The following SLC9C1 variants were observed in gnomAD, a reference collection of about 807,000 sequenced individuals.
SLC9C1 encodes sodium/hydrogen exchanger 10.
A neutral mutation model predicts 140.9 loss-of-function variants in SLC9C1; 97 were observed. The ratio of observed to expected loss-of-function variants is 0.69; its 90% CI spans 0.58 to 0.82. The LOEUF is 0.82. Ranked by LOEUF, SLC9C1 falls within the 40% of genes least tolerant of loss-of-function variation. The probability of loss-of-function intolerance (pLI) is 0.00; values close to 1 mark genes in which losing one functional copy is unlikely to be tolerated. For missense variants in SLC9C1, 1,340 were observed against 1,389.3 expected (o/e 0.96, Z 0.56); for synonymous variants, 440 against 442.6 (o/e 0.99, Z 0.07).
At chr3:112,176,001 G>A (rs552549320) in intron 23 of SLC9C1, among the ~76,000 whole-genome samples, 1 of 152,226 alleles carries the variant, frequency 6.6e-6, no homozygotes, top group African/African-American at 2.4e-5. Flanking sequence ...TTAGGAGTAG[G>A]TATAGGGATC....
At position 112,250,412 on chromosome 3, in the gene SLC9C1, CTT is replaced by C. The variant is rs2079420064; in HGVS notation, c.1198-6338_1198-6337del. Among the ~76,000 whole-genome samples, 3 of 142,872 alleles carry C rather than the reference CTT, an allele frequency of 2.1e-5. No homozygotes were observed. The Admixed American group carries it at 2.2e-4, about 10-fold the overall frequency. 93.7% of individuals were successfully genotyped at this position (142,872 alleles called of 152,430 possible). On this transcript the variant is annotated intron_variant, in intron 10 of 28. Transcript: ENST00000305815. The stretch of plus-strand genomic sequence containing the variant: ...CTTTATAGCAGCATGTTTTATAATC[CTT>C]TGGGTATATACCTAGTAATGGGATG...
chr3:112,259,900 A>G lies in SLC9C1; in HGVS notation c.1197+3024T>C, dbSNP rs190311819. On this transcript the variant is annotated intron_variant, in intron 10 of 28. Transcript: ENST00000305815. ...TACAGATGTTCTCTATCAACATTAG[A>G]AAATTCCCTTCTATTCTTATGTTTT... Among the ~76,000 whole-genome samples the G allele has an allele frequency of 9.9e-4, 151 of 152,316 alleles. 3 individuals carry two copies. The East Asian group carries it at 0.012, about 12-fold the overall frequency.
At position 112,247,872 on chromosome 3, in the gene SLC9C1, A is replaced by AGTGTGTGT. The variant is rs56782439; in HGVS notation, c.1198-3804_1198-3797dup. ...TAAAGTGGTACTCAGTTTACTCTTG[A>AGTGTGTGT]GTGTGTGTGTGTGTGTGTGTGTGTG... On this transcript the variant is annotated intron_variant, in intron 10 of 28. Transcript: ENST00000305815. 6.5e-4 allele frequency among the ~76,000 whole-genome samples: 98 copies of AGTGTGTGT among 149,938 alleles called. 1 individual carries two copies. The highest frequency in any genetic ancestry group is 3.7e-4 in the Non-Finnish European group (25 of 67,298).
rs763001898 is a variant in SLC9C1, at chr3:112,204,221, G to C, written c.2169C>G (p.Phe723Leu). The change falls in exon 17 of 29, where the codon TTC (phenylalanine) becomes TTG (leucine). Residue 723 changes from phenylalanine to leucine, a missense_variant. Coordinates refer to ENST00000305815, the MANE Select transcript of SLC9C1 (RefSeq NM_183061.3). ...VVQFFRILRI[F>L]KLIAPKLLQI... ...GCACGATTTACTGGTTCTTTACCTT[G>C]AAAATGCGTAGTATACGAAAAAATT... The C allele has an allele frequency of 6.7e-7, 1 of 1,481,698 alleles. No homozygotes were observed. The highest frequency in any genetic ancestry group is 1.4e-5 in the South Asian group (1 of 69,302). The allele number at this position is 1,481,698 out of a possible 1,614,324, so 91.8% of individuals were successfully genotyped here.
intron 28 of SLC9C1, among the ~76,000 whole-genome samples, chr3:112,147,193 T>G (rs971941405): frequency 2.6e-5 from 4 of 152,236 alleles, no homozygotes; most frequent in Non-Finnish European, 2.9e-5. Context: ...GGTGTCATTA[T>G]GTGTGAGATG....
Position 112,195,164 on chromosome 3 carries a change from A to G in SLC9C1, c.2523+4157T>C, listed in dbSNP as rs141077049. ...CTTTGTCTATATTTTATTTTGCTGC[A>G]CGTGCCTTAAGCATCATTTCCAAGT... is the stretch of plus-strand genomic sequence containing the variant. On this transcript the variant is annotated intron_variant, in intron 20 of 28. Transcript: ENST00000305815. 2.9e-3 allele frequency among the ~76,000 whole-genome samples: 434 copies of G among 152,220 alleles called. 4 individuals are homozygous for G. The highest frequency in any genetic ancestry group is 9.8e-3 in the African/African-American group (406 of 41,546).
chr3:112,269,897 G>T lies in SLC9C1; in HGVS notation c.775+19C>A. On this transcript the variant is annotated intron_variant, in intron 7 of 28. Transcript: ENST00000305815. ...AGTTTTCTATGTGATTTTATTTTAGGCATAGGCCCCTCACTTACAAATATA... is the reference window on the plus strand; with the variant it reads ...AGTTTTCTATGTGATTTTATTTTAGTCATAGGCCCCTCACTTACAAATATA... 2 of 1,463,060 alleles carry T rather than the reference G, an allele frequency of 1.4e-6. No homozygotes were observed. Among genetic ancestry groups the T allele is most frequent in the Non-Finnish European group, 1.8e-6 (2 of 1,107,538 alleles). The allele number at this position is 1,463,060 out of a possible 1,614,324, so 90.6% of individuals were successfully genotyped here. A position where few individuals can be genotyped will look rare whatever the true frequency, so the allele number is the denominator to read the frequency against.
intron 28 of SLC9C1, 117 bp from the exon 29 acceptor site, chr3:112,141,398 T>A (rs776158644): frequency 7.0e-6 from 7 of 999,004 alleles, no homozygotes; most frequent in Admixed American, 3.1e-5. Flanking sequence ...TAAGACACAC[T>A]TGGTCATTTT....
chr3:112,261,777 C>T (rs2079779609), intron 10 of SLC9C1, among the ~76,000 whole-genome samples: 1 of 152,034 alleles, frequency 6.6e-6, no homozygotes, highest in Non-Finnish European at 1.5e-5. Flanking sequence ...TTGCTATATG[C>T]TAAACAATGT....
Position 112,208,155 on chromosome 3 carries a change from TACAC to T in SLC9C1, c.1986+19_1986+22del. 6.4e-7 allele frequency: 1 copy of T among 1,552,380 alleles called. No homozygotes were observed. The highest frequency in any genetic ancestry group is 8.7e-7 in the Non-Finnish European group (1 of 1,146,484). ...CCCTGTCAGACATATAACACTTCCATACACACATAAATTTTAGATTACCTTAAGT... is the reference window on the plus strand; with the variant it reads ...CCCTGTCAGACATATAACACTTCCATACATAAATTTTAGATTACCTTAAGT... On this transcript the variant is annotated intron_variant, in intron 16 of 28. Coordinates refer to ENST00000305815, the MANE Select transcript of SLC9C1 (RefSeq NM_183061.3).
chr3:112,225,634 T>C (rs2108144750), intron 13 of SLC9C1, among the ~76,000 whole-genome samples: 1 of 152,142 alleles, frequency 6.6e-6, no homozygotes, highest in African/African-American at 2.4e-5. Context: ...CTGAATTGAT[T>C]AAAATATAAG....
intron 13 of SLC9C1, among the ~76,000 whole-genome samples, chr3:112,227,638 G>T (rs2078717309): frequency 6.6e-6 from 1 of 152,012 alleles, no homozygotes; most frequent in Admixed American, 6.6e-5. Flanking sequence ...TACGGAATGA[G>T]GACAAGTTAA....
chr3:112,203,335 A>G (rs1263336252), intron 17 of SLC9C1, among the ~76,000 whole-genome samples: 2 of 152,016 alleles, frequency 1.3e-5, no homozygotes, highest in Non-Finnish European at 2.9e-5. Flanking sequence ...ATCAGAATTA[A>G]TTCATCAGTG....
At chr3:112,215,177 CTTAATAAA>C (rs60256159) in intron 15 of SLC9C1, among the ~76,000 whole-genome samples, 111,875 of 149,770 alleles carry the variant, frequency 0.75, 41,973 homozygotes, top group East Asian at 0.98. Context: ...GCTAAAAACT[CTTAATAAA>C]TTAGGTATTG....
Position 112,217,476 on chromosome 3 carries a change from A to G in SLC9C1, c.1756T>C (p.Tyr586His). Residue 586 changes from tyrosine to histidine, a missense_variant, in exon 15 of 29, where the codon TAT becomes CAT. Transcript: ENST00000305815. ...CCCTCTTTTTCCTTTCTGGTATTAT[A>G]CACCCAATTAAGTAGTAGTTTTCTA... is the stretch of plus-strand genomic sequence containing the variant. ...FARKLLLNWV[Y>H]NTRKEKEGPS... 1 of 1,607,444 alleles carries G rather than the reference A, an allele frequency of 6.2e-7. No individual in the cohort carries two copies. The highest frequency in any genetic ancestry group is 8.5e-7 in the Non-Finnish European group (1 of 1,178,110).
chr3:112,215,901 A>T (rs1296906950), intron 15 of SLC9C1, among the ~76,000 whole-genome samples: 3 of 152,236 alleles, frequency 2.0e-5, no homozygotes, highest in Non-Finnish European at 2.9e-5. Flanking sequence ...TTGCTAAGTC[A>T]ATCATAAGCC....
intron 27 of SLC9C1, among the ~76,000 whole-genome samples, chr3:112,153,510 G>T (rs1427877520): frequency 6.6e-6 from 1 of 152,122 alleles, no homozygotes; most frequent in Admixed American, 6.6e-5. Flanking sequence ...ATTAGAATAG[G>T]TGCATGTATC....
At chr3:112,220,029 A>G (rs1196919968) in intron 14 of SLC9C1, among the ~76,000 whole-genome samples, 1 of 151,984 alleles carries the variant, frequency 6.6e-6, no homozygotes, top group Non-Finnish European at 1.5e-5. Context: ...AGCCCTCTCA[A>G]CTCCCTCAAC....
intron 15 of SLC9C1, among the ~76,000 whole-genome samples, chr3:112,211,374 G>T (rs960661951): frequency 7.5e-5 from 8 of 107,364 alleles, no homozygotes; most frequent in African/African-American, 2.7e-4. Flanking sequence ...GACAGTGGGT[G>T]CAGTGCACCG....
Sources: gnomAD v4.1 joint callset for allele counts (sites outside exome capture counted in the v4.1 genomes callset) on GRCh38, gnomAD v4.1.1 for gene constraint, MANE v1.5 for transcripts, NCBI Gene and HGNC (gene_info 2026-07-23, HGNC 2026-07-21) for gene names.